Variants in DCC observed in about 807,000 individuals in gnomAD.
DCC encodes the protein DCC netrin 1 receptor, also known as netrin receptor DCC.
In DCC, 58 loss-of-function variants were observed where a neutral mutation model predicts 172.5. The ratio of observed to expected loss-of-function variants is 0.34; its 90% CI spans 0.27 to 0.42. DCC has a LOEUF of 0.42. Ranked by LOEUF, DCC falls within the 10% of genes least tolerant of loss-of-function variation. DCC has a pLI of 1.00. For missense variants in DCC, 1,740 were observed against 1,791.0 expected (o/e 0.97, Z 0.51); for synonymous variants, 709 against 644.5 (o/e 1.10, Z -1.52).
intron 12 of DCC, among the ~76,000 whole-genome samples, chr18:53,248,047 T>C (rs1014715155): frequency 6.6e-6 from 1 of 152,024 alleles, no homozygotes; most frequent in African/African-American, 2.4e-5. Flanking sequence ...ATGTCAGGAA[T>C]GTTCAGGAAT....
chr18:52,944,716 C>T (rs555189841), intron 5 of DCC, among the ~76,000 whole-genome samples: 3 of 152,232 alleles, frequency 2.0e-5, no homozygotes, highest in South Asian at 2.1e-4. Context: ...ATAAACTATA[C>T]AGGAAGAGAA....
At chr18:52,942,347 A>G (rs1407882042) in intron 5 of DCC, among the ~76,000 whole-genome samples, 2 of 152,006 alleles carry the variant, frequency 1.3e-5, no homozygotes, top group African/African-American at 4.8e-5. Flanking sequence ...ATTTCTTTAA[A>G]TATCCCATTT....
At chr18:52,954,282 T>C (rs1226249738) in intron 5 of DCC, among the ~76,000 whole-genome samples, 1 of 152,196 alleles carries the variant, frequency 6.6e-6, no homozygotes, top group Non-Finnish European at 1.5e-5. Flanking sequence ...ATTTTCAGTA[T>C]ACTAGAAAAA....
intron 1 of DCC, among the ~76,000 whole-genome samples, chr18:52,462,774 A>G (rs1318984962): frequency 6.6e-6 from 1 of 152,076 alleles, no homozygotes; most frequent in Non-Finnish European, 1.5e-5. Context: ...CAGTTTTATT[A>G]TTTGCTCCAG....
intron 1 of DCC, among the ~76,000 whole-genome samples, chr18:52,565,194 T>C (rs2033130874): frequency 6.6e-6 from 1 of 152,168 alleles, no homozygotes; most frequent in African/African-American, 2.4e-5. Context: ...TATTTGAGCA[T>C]GGTTAAAAAT....
intron 7 of DCC, among the ~76,000 whole-genome samples, chr18:53,067,656 T>C (rs190987380): frequency 1.3e-5 from 2 of 152,182 alleles, no homozygotes; most frequent in Non-Finnish European, 2.9e-5. Flanking sequence ...CTGAAATGAT[T>C]AAAGAAGTTT....
chr18:52,590,402 C>T (rs748109458), intron 1 of DCC, among the ~76,000 whole-genome samples: 13 of 152,104 alleles, frequency 8.5e-5, no homozygotes, highest in African/African-American at 2.7e-4. Flanking sequence ...AAGATAGACA[C>T]ATTAGGGAGT....
intron 27 of DCC, among the ~76,000 whole-genome samples, chr18:53,507,029 G>T (rs1272926286): frequency 6.6e-6 from 1 of 152,160 alleles, no homozygotes; most frequent in Non-Finnish European, 1.5e-5. Flanking sequence ...AAGGAAACAT[G>T]AAATTCTACA....
At chr18:52,798,272 G>C (rs567554140) in intron 2 of DCC, among the ~76,000 whole-genome samples, 6 of 152,202 alleles carry the variant, frequency 3.9e-5, no homozygotes, top group Non-Finnish European at 8.8e-5. Context: ...TAATAGAGTA[G>C]AGAAAACAAA....
At chr18:52,446,210 C>T (rs540266141) in intron 1 of DCC, among the ~76,000 whole-genome samples, 3 of 152,290 alleles carry the variant, frequency 2.0e-5, no homozygotes, top group East Asian at 1.9e-4. Context: ...CGTAAGCCAC[C>T]GTGCCCGGCC....
chr18:53,000,800 T>C (rs554936298), intron 5 of DCC, among the ~76,000 whole-genome samples: 1 of 152,000 alleles, frequency 6.6e-6, no homozygotes, highest in Non-Finnish European at 1.5e-5. Flanking sequence ...TTCAAGGTGG[T>C]AGTTAAGCAC....
intron 12 of DCC, among the ~76,000 whole-genome samples, chr18:53,266,916 A>G (rs2056681677): frequency 6.6e-6 from 1 of 151,998 alleles, no homozygotes; most frequent in Non-Finnish European, 1.5e-5. Flanking sequence ...TCATTTATCC[A>G]TCCTTCAGAT....
intron 5 of DCC, among the ~76,000 whole-genome samples, chr18:52,955,817 G>T (rs968586481): frequency 6.6e-6 from 1 of 151,996 alleles, no homozygotes. Flanking sequence ...GATACTGAAT[G>T]CATGTTATTA....
At chr18:53,444,219 C>G (rs898443073) in intron 22 of DCC, among the ~76,000 whole-genome samples, 7 of 152,178 alleles carry the variant, frequency 4.6e-5, no homozygotes, top group African/African-American at 1.7e-4. Flanking sequence ...TCAATTGATG[C>G]AGCAAACTTT....
Position 52,613,341 on chromosome 18 carries a change from C to T in DCC, c.92-138713C>T, listed in dbSNP as rs151003967. On this transcript the variant is annotated intron_variant, in intron 1 of 28. Coordinates refer to ENST00000442544, the MANE Select transcript of DCC (RefSeq NM_005215.4). ...TGCTAGCTCAGCTCACCGCAAGCTC[C>T]GCCTCCCGGGTTCACACCATCCTCC... 3.2e-3 allele frequency among the ~76,000 whole-genome samples: 488 copies of T among 152,182 alleles called. 6 individuals are homozygous for T. Among genetic ancestry groups the T allele is most frequent in the African/African-American group, 1.0e-2 (415 of 41,526 alleles).
At chr18:53,341,868 C>T (rs1236004255) in intron 15 of DCC, among the ~76,000 whole-genome samples, 1 of 151,946 alleles carries the variant, frequency 6.6e-6, no homozygotes, top group Non-Finnish European at 1.5e-5. Flanking sequence ...ACATCAGTTT[C>T]CATAGTAACT....
intron 17 of DCC, among the ~76,000 whole-genome samples, chr18:53,392,741 A>C (rs895999321): frequency 7.2e-5 from 11 of 152,244 alleles, no homozygotes; most frequent in African/African-American, 2.7e-4. Flanking sequence ...GAGATGGTTT[A>C]TTTTGAAAGA....
intron 7 of DCC, among the ~76,000 whole-genome samples, chr18:53,127,855 C>T (rs2043588660): frequency 6.6e-6 from 1 of 152,090 alleles, no homozygotes; most frequent in Non-Finnish European, 1.5e-5. Context: ...TCAACTGGAA[C>T]ACCAAACTAT....
At chr18:53,091,334 T>C (rs868848670) in intron 7 of DCC, among the ~76,000 whole-genome samples, 43 of 147,946 alleles carry the variant, frequency 2.9e-4, no homozygotes, top group Middle Eastern at 3.6e-3. Flanking sequence ...CAAATATATA[T>C]ATATATAAAT....
Sources: allele counts gnomAD v4.1 joint callset (sites outside exome capture counted in the v4.1 genomes callset), GRCh38; gene constraint gnomAD v4.1.1; transcripts MANE v1.5; gene names NCBI Gene and HGNC (gene_info 2026-07-23, HGNC 2026-07-21).